The following GPR149 variants were observed in gnomAD, a reference collection of about 807,000 sequenced individuals.
The protein encoded by GPR149 is probable G protein-coupled receptor 149.
In GPR149, 50 loss-of-function variants were observed where a neutral mutation model predicts 50.2. The observed-to-expected ratio is 1.00, with a 90% CI of 0.79 to 1.26. The LOEUF (loss-of-function observed/expected upper bound fraction) is 1.26, where lower values mean the gene tolerates loss of function less well. Among genes scored for constraint, GPR149 ranks in the 50% most tolerant of loss-of-function variants. GPR149 has a pLI of 0.00. For synonymous variants in GPR149, 405 were observed against 358.2 expected, an observed-to-expected ratio of 1.13 and a Z score of -1.48; for missense variants, 983 against 895.4, an observed-to-expected ratio of 1.10 and a Z score of -1.25.
chr3:154,421,044 G>C lies in GPR149; in HGVS notation c.1618C>G (p.Arg540Gly). The change falls in exon 3 of 4, where the codon CGT (arginine) becomes GGT (glycine). Residue 540 changes from arginine (R) to glycine (G), a missense_variant. By Grantham distance (125) the Arg-to-Gly change is moderately radical. Transcript: ENST00000389740. ...AAGAACAACTTTTACTGTACCTGACGAGGGGTTCTTTCTGATTTACTCCTA... is the reference window on the plus strand; with the variant it reads ...AAGAACAACTTTTACTGTACCTGACCAGGGGTTCTTTCTGATTTACTCCTA... ...WCRSKSERTPRQRSGYALAIP... is the reference protein window; with the variant it reads ...WCRSKSERTPGQRSGYALAIP... 1 of 1,598,394 alleles carries C rather than the reference G, an allele frequency of 6.3e-7. No individual in the cohort carries two copies. Among genetic ancestry groups the C allele is most frequent in the Non-Finnish European group, 8.5e-7 (1 of 1,172,742 alleles).
At chr3:154,405,639 T>C (rs1246170434) in intron 3 of GPR149, among the ~76,000 whole-genome samples, 1 of 132,628 alleles carries the variant, frequency 7.5e-6, no homozygotes, top group Non-Finnish European at 1.6e-5. Flanking sequence ...CAAGTAGATA[T>C]AGAAATGTAT....
chr3:154,419,425 C>A (rs1042599574), intron 3 of GPR149, among the ~76,000 whole-genome samples: 1 of 151,808 alleles, frequency 6.6e-6, no homozygotes, highest in Non-Finnish European at 1.5e-5. Context: ...ATAATAATTT[C>A]CATGGTTTTG....
chr3:154,376,126 C>A (rs1305520332), intron 3 of GPR149, among the ~76,000 whole-genome samples: 1 of 152,318 alleles, frequency 6.6e-6, no homozygotes, highest in African/African-American at 2.4e-5. Flanking sequence ...CTCAGTCTAT[C>A]TAGCTAGCTA....
At chr3:154,385,583 G>A (rs954448272) in intron 3 of GPR149, among the ~76,000 whole-genome samples, 4 of 151,198 alleles carry the variant, frequency 2.6e-5, no homozygotes, top group Admixed American at 1.3e-4. Flanking sequence ...TGGTTTGTTC[G>A]TTTTTATTAT....
chr3:154,353,222 C>A, intron 3 of GPR149: 1 of 1,530,968 alleles, frequency 6.5e-7, no homozygotes, highest in Non-Finnish European at 9.1e-7. Context: ...GCCTCTGAGA[C>A]CAATGACACT....
chr3:154,430,092 G>A lies in GPR149; in HGVS notation c.-477C>T, dbSNP rs1712440886. Among the ~76,000 whole-genome samples the A allele has an allele frequency of 6.6e-6, 1 of 151,698 alleles. No homozygotes were observed. The highest frequency in any genetic ancestry group is 1.5e-5 in the Non-Finnish European group (1 of 67,948). ...TCCAGAGCTGGATTCAAAGGCAGGA[G>A]ATTGTCAGGTAGGTTTCAGCTTTGA... On this transcript the variant is annotated 5_prime_UTR_variant, in exon 1 of 4. Transcript: ENST00000389740.
intron 3 of GPR149, among the ~76,000 whole-genome samples, chr3:154,374,966 G>A (rs1217213107): frequency 1.3e-5 from 2 of 152,158 alleles, no homozygotes; most frequent in Non-Finnish European, 2.9e-5. Context: ...GCAAAGATAA[G>A]TATTTAGAAT....
At chr3:154,392,026 T>C (rs1399841) in intron 3 of GPR149, among the ~76,000 whole-genome samples, 14,697 of 134,500 alleles carry the variant, frequency 0.11, 810 homozygotes, top group East Asian at 0.26. Flanking sequence ...ATGCAAAATG[T>C]AACATAACTG....
intron 3 of GPR149, among the ~76,000 whole-genome samples, chr3:154,351,219 C>T (rs76746738): frequency 0.016 from 2,270 of 143,040 alleles, 51 homozygotes; most frequent in African/African-American, 0.056. Flanking sequence ...CTCAAATATA[C>T]CCAACTGACT....
intron 3 of GPR149, among the ~76,000 whole-genome samples, chr3:154,391,626 G>GA (rs1182194851): frequency 6.6e-6 from 1 of 151,276 alleles, no homozygotes; most frequent in East Asian, 1.9e-4. Flanking sequence ...AATATAAAGG[G>GA]ATTAAACTCC....
At chr3:154,384,267 T>A (rs1715000514) in intron 3 of GPR149, among the ~76,000 whole-genome samples, 1 of 152,224 alleles carries the variant, frequency 6.6e-6, no homozygotes, top group Non-Finnish European at 1.5e-5. Flanking sequence ...AGCTTCTATA[T>A]GTTCAGGCTC....
intron 3 of GPR149, among the ~76,000 whole-genome samples, chr3:154,392,990 T>A (rs1169754827): frequency 6.6e-6 from 1 of 151,982 alleles, no homozygotes; most frequent in African/African-American, 2.4e-5. Flanking sequence ...CAATAGTGAA[T>A]TTGAACAAAC....
At chr3:154,374,020 C>T (rs562683477) in intron 3 of GPR149, among the ~76,000 whole-genome samples, 96 of 152,150 alleles carry the variant, frequency 6.3e-4, no homozygotes, top group African/African-American at 2.2e-3. Context: ...CAAAAACAGC[C>T]ACAGAAAATA....
chr3:154,393,418 G>A (rs1715214923), intron 3 of GPR149, among the ~76,000 whole-genome samples: 1 of 151,888 alleles, frequency 6.6e-6, no homozygotes, highest in African/African-American at 2.4e-5. Flanking sequence ...AGAAATAGAG[G>A]GAAATTACCT....
rs752621418 is a variant in GPR149 at position 154,421,265 on chromosome 3, G to A, written c.1397C>T (p.Thr466Ile). The change falls in exon 3 of 4, where the codon ACA becomes ATA. Residue 466 changes from threonine to isoleucine, a missense_variant. Transcript: ENST00000389740. ...ISTTPSLDSS[T>I]QRGINKCTNT... ...TGTGCATTTGTTGATGCCTCTTTGT[G>A]TGGAGCTGTCCAGAGAGGGCGTGGT... The A allele has an allele frequency of 1.2e-6, 2 of 1,613,370 alleles. No individual in the cohort carries two copies. The highest frequency in any genetic ancestry group is 1.7e-5 in the Admixed American group (1 of 59,912).
chr3:154,420,775 G>A (rs1712119170), intron 3 of GPR149, among the ~76,000 whole-genome samples: 1 of 151,734 alleles, frequency 6.6e-6, no homozygotes, highest in African/African-American at 2.4e-5. Context: ...GGTTACTTGA[G>A]GTTAAAAAAG....
chr3:154,400,535 A>C (rs1217348796), intron 3 of GPR149, among the ~76,000 whole-genome samples: 1 of 152,186 alleles, frequency 6.6e-6, no homozygotes, highest in Non-Finnish European at 1.5e-5. Flanking sequence ...AAAGAACTTT[A>C]AGATAATTTC....
At chr3:154,343,254 C>T (rs180906948) in intron 3 of GPR149, among the ~76,000 whole-genome samples, 109 of 152,202 alleles carry the variant, frequency 7.2e-4, no homozygotes, top group African/African-American at 2.5e-3. Flanking sequence ...ATATGACAGT[C>T]ATAGAAAAAG....
intron 3 of GPR149, among the ~76,000 whole-genome samples, chr3:154,411,857 G>A (rs1016727638): frequency 2.0e-5 from 3 of 152,106 alleles, no homozygotes; most frequent in Non-Finnish European, 4.4e-5. Context: ...TAGGAAGCCA[G>A]TATCATTCTA....
Sources: gnomAD v4.1 joint callset for allele counts (sites outside exome capture counted in the v4.1 genomes callset) on GRCh38, gnomAD v4.1.1 for gene constraint, MANE v1.5 for transcripts, NCBI Gene and HGNC (gene_info 2026-07-23, HGNC 2026-07-21) for gene names.